The following COQ3 variants were observed in gnomAD, a reference collection of about 807,000 sequenced individuals.
COQ3 encodes coenzyme Q3, methyltransferase, also known as ubiquinone biosynthesis O-methyltransferase, mitochondrial.
In COQ3, 29 loss-of-function variants were observed where a neutral mutation model predicts 33.1. The ratio of observed to expected loss-of-function variants is 0.88; its 90% CI spans 0.65 to 1.19. COQ3 has a LOEUF of 1.19. Among genes scored for constraint, COQ3 ranks in the 50% most tolerant of loss-of-function variants. The pLI is 0.00. For synonymous variants in COQ3, 173 were observed against 157.8 expected (o/e 1.10, Z -0.72); for missense variants, 437 against 430.7 (o/e 1.01, Z -0.13).
chr6:99,371,638 C>T, intron 5 of COQ3, 51 bp from the exon 6 acceptor site: 1 of 1,279,724 alleles, frequency 7.8e-7, no homozygotes, highest in Non-Finnish European at 1.1e-6. Context: ...CTAAGTGTAT[C>T]ACTTAAGTAA....
rs1024485776 is a variant in COQ3, at chr6:99,389,319, T to A, written c.106+4755A>T. Reference sequence around the variant, plus strand: ...TTTGTATTTTTAGTAGAGACAGGCTTTCGCCATGTTGACCCGCCTGATCTC... The same window carrying A: ...TTTGTATTTTTAGTAGAGACAGGCTATCGCCATGTTGACCCGCCTGATCTC... On this transcript the variant is annotated intron_variant, in intron 1 of 6. Coordinates refer to ENST00000254759, the MANE Select transcript of COQ3 (RefSeq NM_017421.4). Among the ~76,000 whole-genome samples the A allele has an allele frequency of 5.9e-5, 9 of 152,146 alleles. 1 individual carries two copies. Among genetic ancestry groups the A allele is most frequent in the Non-Finnish European group, 1.3e-4 (9 of 68,032 alleles).
At chr6:99,388,927 A>ACC (rs1162764478) in intron 1 of COQ3, among the ~76,000 whole-genome samples, 6 of 74,940 alleles carry the variant, frequency 8.0e-5, no homozygotes, top group African/African-American at 2.1e-4. Context: ...ACACACACAC[A>ACC]CACACACCCA....
intron 1 of COQ3, among the ~76,000 whole-genome samples, chr6:99,388,909 A>G (rs1454378016): frequency 3.4e-4 from 50 of 148,810 alleles, no homozygotes; most frequent in African/African-American, 1.1e-3. Context: ...ACACACACAC[A>G]CACACACACA....
rs531626575 is a variant in COQ3 at position 99,379,445 on chromosome 6, G to A, written c.386+744C>T. ...AAGATTATGTTTCATTCATCTTAGA[G>A]TCTTTTACAGTCTAGCCCCTGAGCT... is the stretch of plus-strand genomic sequence containing the variant. On this transcript the variant is annotated intron_variant, in intron 3 of 6. Transcript: ENST00000254759. 2.2e-4 allele frequency among the ~76,000 whole-genome samples: 34 copies of A among 152,238 alleles called. 1 individual carries two copies. The highest frequency in any genetic ancestry group is 4.3e-4 in the Non-Finnish European group (29 of 68,012).
chr6:99,388,922 CACACACACACA>C (rs1562210369), intron 1 of COQ3, among the ~76,000 whole-genome samples: 7 of 149,266 alleles, frequency 4.7e-5, no homozygotes, highest in Non-Finnish European at 9.0e-5. Context: ...CACACACACA[CACACACACACA>C]CCCACATCCT....
chr6:99,375,706 C>G (rs1774262638), intron 5 of COQ3, among the ~76,000 whole-genome samples: 1 of 152,056 alleles, frequency 6.6e-6, no homozygotes, highest in African/African-American at 2.4e-5. Flanking sequence ...TTTTCAAGAT[C>G]CCTGGACATC....
intron 6 of COQ3, among the ~76,000 whole-genome samples, chr6:99,370,948 A>G (rs1355852496): frequency 6.6e-6 from 1 of 152,116 alleles, no homozygotes; most frequent in Non-Finnish European, 1.5e-5. Context: ...AGTAGCTTAC[A>G]GGCCATAAAA....
intron 1 of COQ3, among the ~76,000 whole-genome samples, chr6:99,386,958 A>C (rs180742611): frequency 6.6e-6 from 1 of 152,332 alleles, no homozygotes; most frequent in East Asian, 1.9e-4. Flanking sequence ...TGATACAAAA[A>C]TCAAAGAGTA....
At chr6:99,388,555 A>G (rs77415121) in intron 1 of COQ3, among the ~76,000 whole-genome samples, 1 of 152,022 alleles carries the variant, frequency 6.6e-6, no homozygotes, top group East Asian at 1.9e-4. Flanking sequence ...TTTATATGGA[A>G]AGGCAAAATA....
chr6:99,375,778 A>T (rs1365809922), intron 5 of COQ3, among the ~76,000 whole-genome samples, 162 bp downstream of exon 5: 1 of 152,170 alleles, frequency 6.6e-6, no homozygotes, highest in Admixed American at 6.5e-5. Flanking sequence ...AGTAGAAGAA[A>T]TCTACAGCAG....
chr6:99,394,028 C>A, intron 1 of COQ3, 46 bp downstream of exon 1: 1 of 1,525,584 alleles, frequency 6.6e-7, no homozygotes, highest in Non-Finnish European at 9.1e-7. Context: ...GAGACGCCAG[C>A]GCTCGCAATT....
At chr6:99,370,538 A>AG (rs1400323958) in intron 6 of COQ3, among the ~76,000 whole-genome samples, 1 of 151,654 alleles carries the variant, frequency 6.6e-6, no homozygotes, top group Non-Finnish European at 1.5e-5. Context: ...TAGTAGAGAC[A>AG]GGGTTTCACC....
intron 3 of COQ3, 23 bp downstream of exon 3, chr6:99,380,166 A>C (rs923447747): frequency 1.2e-6 from 2 of 1,602,732 alleles, no homozygotes. Context: ...ATTTAAAAAG[A>C]CTTAGAGTTT....
chr6:99,372,110 A>C (rs1291551679), intron 5 of COQ3, among the ~76,000 whole-genome samples: 4 of 152,162 alleles, frequency 2.6e-5, no homozygotes, highest in Non-Finnish European at 4.4e-5. Context: ...TTTATAAAAA[A>C]TATAAAGAGT....
Position 99,376,053 on chromosome 6 carries a change from C to G in COQ3, c.616G>C (p.Glu206Gln), listed in dbSNP as rs766482463. 4 of 1,614,012 alleles carry G rather than the reference C, an allele frequency of 2.5e-6. No individual in the cohort carries two copies. In the South Asian group the frequency reaches 4.4e-5, roughly 18 times the overall value. Residue 206 changes from glutamate (E) to glutamine (Q), a missense_variant, in exon 5 of 7, where the codon GAA becomes CAA. Glu to Gln is a conservative substitution (Grantham distance 29, BLOSUM62 2). Coordinates refer to ENST00000254759, the MANE Select transcript of COQ3 (RefSeq NM_017421.4). ...KRIEYRVCSLEEIVEETAETF... is the reference protein window; with the variant it reads ...KRIEYRVCSLQEIVEETAETF... ...TCTGCAGTCTCTTCCACAATCTCTTCCAGGGAACACACTCTGTACTCTATT... is the reference window on the plus strand; with the variant it reads ...TCTGCAGTCTCTTCCACAATCTCTTGCAGGGAACACACTCTGTACTCTATT...
intron 3 of COQ3, among the ~76,000 whole-genome samples, chr6:99,379,246 C>T (rs1474987338): frequency 2.0e-5 from 3 of 152,094 alleles, no homozygotes; most frequent in Non-Finnish European, 4.4e-5. Flanking sequence ...TTGCAACTCA[C>T]TGATAAAAAA....
In COQ3 at chr6:99,376,019, T is replaced by G. The variant is rs925881906; in HGVS notation, c.650A>C (p.Asp217Ala). ...EIVEETAETF[D>A]AVVASEVVEH... ...TACAACTTCAGAAGCTACAACAGCA[T>G]CAAATGTTTCTGCAGTCTCTTCCAC... The change falls in exon 5 of 7, where the codon GAT becomes GCT. Residue 217 changes from aspartate (D) to alanine (A), a missense_variant. Transcript: ENST00000254759. 5.6e-6 allele frequency: 9 copies of G among 1,613,880 alleles called. No homozygotes were observed. The highest frequency in any genetic ancestry group is 7.6e-6 in the Non-Finnish European group (9 of 1,179,866).
In COQ3 at chr6:99,393,081, T is replaced by C. The variant is rs142418654; in HGVS notation, c.106+993A>G. Among the ~76,000 whole-genome samples the C allele has an allele frequency of 9.6e-4, 146 of 152,072 alleles. 1 individual carries two copies. The highest frequency in any genetic ancestry group is 1.7e-3 in the Non-Finnish European group (117 of 67,982). ...AAAAGTTCAGAAAAAGAAAAGTATA[T>C]AAAGGATAAAATGATAGAAAATCAC... On this transcript the variant is annotated intron_variant, in intron 1 of 6. Transcript: ENST00000254759.
intron 2 of COQ3, 69 bp from the exon 3 acceptor site, chr6:99,380,410 T>C (rs894301577): frequency 4.0e-5 from 60 of 1,482,010 alleles, no homozygotes; most frequent in South Asian, 2.9e-4. Flanking sequence ...TGGGATATTA[T>C]GTAGAAAGAT....
Sources: allele counts gnomAD v4.1 joint callset (sites outside exome capture counted in the v4.1 genomes callset), GRCh38; gene constraint gnomAD v4.1.1; transcripts MANE v1.5; gene names NCBI Gene and HGNC (gene_info 2026-07-23, HGNC 2026-07-21).